GSDMC: variants seen among roughly 807,000 people sequenced by gnomAD.
The protein encoded by GSDMC is gasdermin C.
GSDMC carries 59 observed loss-of-function variants against 58.0 expected under a neutral mutation model. The observed-to-expected ratio is 1.02, with a 90% CI of 0.82 to 1.26. GSDMC has a LOEUF of 1.26. Ranked by LOEUF, GSDMC falls within the 50% of genes most tolerant of loss-of-function variation. The pLI is 0.00. For synonymous variants in GSDMC, 241 were observed against 220.2 expected (o/e 1.09, Z -0.83); for missense variants, 659 against 598.5 (o/e 1.10, Z -1.06).
downstream of GSDMC, among the ~76,000 whole-genome samples, chr8:129,747,680 G>A (rs1413530343): frequency 1.3e-5 from 2 of 152,158 alleles, no homozygotes; most frequent in Admixed American, 6.5e-5. Flanking sequence ...TGAGCCTCCA[G>A]GATTCAAGGA....
intron 4 of GSDMC, 86 bp downstream of exon 4, chr8:129,765,542 C>T: frequency 1.1e-6 from 1 of 933,168 alleles, no homozygotes; most frequent in Non-Finnish European, 1.8e-6. Context: ...GAAATAGAGT[C>T]CAGAGCCCCC....
chr8:129,742,218 A>C, the GSDMC span, among the ~76,000 whole-genome samples: 1 of 152,006 alleles, frequency 6.6e-6, no homozygotes, highest in East Asian at 1.9e-4. Flanking sequence ...AGTTTTTGAG[A>C]TCTATTGTAC....
At chr8:129,770,370 C>T (rs967970333) in intron 3 of GSDMC, among the ~76,000 whole-genome samples, 3 of 152,132 alleles carry the variant, frequency 2.0e-5, no homozygotes, top group African/African-American at 7.2e-5. Flanking sequence ...GTGGCACACA[C>T]CTATAGTCCC....
Position 129,748,283 on chromosome 8 carries a change from T to C in GSDMC, c.*218A>G, listed in dbSNP as rs2033017088. The stretch of plus-strand genomic sequence containing the variant: ...CTTTAACATACTATTTGAGGAGTTT[T>C]GACAAATATATAAACTCTTGTCAAT... On this transcript the variant is annotated 3_prime_UTR_variant, in exon 14 of 14. Transcript: ENST00000276708. The C allele has an allele frequency of 2.4e-6, 1 of 415,946 alleles. No homozygotes were observed. The highest frequency in any genetic ancestry group is 7.9e-5 in the South Asian group (1 of 12,584). 25.8% of individuals were successfully genotyped at this position (415,946 alleles called of 1,614,324 possible).
downstream of GSDMC, among the ~76,000 whole-genome samples, chr8:129,743,613 A>G (rs551806853): frequency 6.6e-6 from 1 of 152,282 alleles, no homozygotes; most frequent in East Asian, 1.9e-4. Flanking sequence ...GCCTCTTCCC[A>G]TGTGTAGTAA....
chr8:129,765,822 T>G, intron 3 of GSDMC, 29 bp from the exon 4 acceptor site: 5 of 1,600,670 alleles, frequency 3.1e-6, no homozygotes, highest in Non-Finnish European at 4.3e-6. Context: ...AGGACAAGAG[T>G]CAGAGTGGGA....
chr8:129,729,426 C>A, the GSDMC span: 1 of 350,752 alleles, frequency 2.9e-6, no homozygotes, highest in East Asian at 7.8e-5. Context: ...TCATCATTTA[C>A]ATTAGGTATA....
At chr8:129,740,881 C>T in the GSDMC span, among the ~76,000 whole-genome samples, 3 of 152,128 alleles carry the variant, frequency 2.0e-5, no homozygotes, top group African/African-American at 7.2e-5. Flanking sequence ...GCTATTGTTG[C>T]CCGTGCTTTC....
At chr8:129,730,606 C>A in the GSDMC span, among the ~76,000 whole-genome samples, 1 of 152,190 alleles carries the variant, frequency 6.6e-6, no homozygotes, top group South Asian at 2.1e-4. Flanking sequence ...AGATCTCTTT[C>A]AATGCATTAG....
the GSDMC span, among the ~76,000 whole-genome samples, chr8:129,718,726 T>C: frequency 6.6e-6 from 1 of 152,218 alleles, no homozygotes; most frequent in African/African-American, 2.4e-5. Context: ...TAAAGACACA[T>C]GCACACATAT....
intron 1 of GSDMC, among the ~76,000 whole-genome samples, chr8:129,780,310 G>A (rs2034367825): frequency 6.6e-6 from 1 of 152,128 alleles, no homozygotes; most frequent in African/African-American, 2.4e-5. Context: ...ACACCCAGCA[G>A]ATTTAAGCCA....
chr8:129,771,890 G>A (rs2034062825), intron 3 of GSDMC, among the ~76,000 whole-genome samples: 1 of 152,170 alleles, frequency 6.6e-6, no homozygotes, highest in South Asian at 2.1e-4. Context: ...GCAGTTCTAA[G>A]AGGAAAGTTT....
intron 8 of GSDMC, 59 bp from the exon 9 acceptor site, chr8:129,751,950 T>G: frequency 6.5e-7 from 1 of 1,540,134 alleles, no homozygotes; most frequent in Non-Finnish European, 9.0e-7. Flanking sequence ...TTCTCCAACC[T>G]TCTGCCCTTC....
chr8:129,751,042 T>TG lies in GSDMC; in HGVS notation c.944-473dup, dbSNP rs1386131476. Among the ~76,000 whole-genome samples the TG allele has an allele frequency of 4.6e-5, 7 of 152,132 alleles. No individual in the cohort carries two copies. In the South Asian group the frequency reaches 8.3e-4, roughly 18 times the overall value. On this transcript the variant is annotated intron_variant, in intron 10 of 13. Coordinates refer to ENST00000276708, the MANE Select transcript of GSDMC (RefSeq NM_031415.3). Reference sequence around the variant, plus strand: ...ATCCCAGCACTTCGGGAGGCTGACATGGGGGGATTGCTTGAGGCCAGGAAT... The same window carrying TG: ...ATCCCAGCACTTCGGGAGGCTGACATGGGGGGGATTGCTTGAGGCCAGGAAT...
intron 1 of GSDMC, among the ~76,000 whole-genome samples, chr8:129,778,553 G>T (rs1441270736): frequency 6.6e-6 from 1 of 152,110 alleles, no homozygotes; most frequent in Non-Finnish European, 1.5e-5. Context: ...ATAGGAACTG[G>T]CAAAGATTTC....
Position 129,779,869 on chromosome 8 carries a change from G to T in GSDMC, c.-4-2278C>A, listed in dbSNP as rs1460121900. Among the ~76,000 whole-genome samples the T allele has an allele frequency of 1.3e-5, 2 of 152,020 alleles. 1 individual carries two copies. Among genetic ancestry groups the T allele is most frequent in the Admixed American group, 1.3e-4 (2 of 15,256 alleles). ...AATAGCTGTTTTGAGGACACTCAAA[G>T]GAATTCAAGATAACACATAAAAGGA... On this transcript the variant is annotated intron_variant, in intron 1 of 13. Transcript: ENST00000276708.
chr8:129,767,888 A>G (rs1294355645), intron 3 of GSDMC, among the ~76,000 whole-genome samples: 2 of 152,188 alleles, frequency 1.3e-5, no homozygotes, highest in African/African-American at 2.4e-5. Context: ...GCCCAATTAT[A>G]TACCCTGAAC....
chr8:129,762,667 A>G lies in GSDMC; in HGVS notation c.635T>C (p.Val212Ala), dbSNP rs1290606624. Residue 212 changes from valine (V) to alanine (A), a missense_variant, in exon 5 of 14, where the codon GTG (valine) becomes GCG (alanine). Val to Ala is a moderately conservative substitution (Grantham distance 64). Transcript: ENST00000276708. ...CAGCTGCTTTCTCTTATAAGCCATCACCATGCCTTTCTGAAGAGTCAGCGC... is the reference window on the plus strand; with the variant it reads ...CAGCTGCTTTCTCTTATAAGCCATCGCCATGCCTTTCTGAAGAGTCAGCGC... ...KKALTLQKGM[V>A]MAYKRKQLVI... 4 of 1,613,718 alleles carry G rather than the reference A, an allele frequency of 2.5e-6. No homozygotes were observed. Among genetic ancestry groups the G allele is most frequent in the Admixed American group, 3.3e-5 (2 of 60,004 alleles).
At chr8:129,728,125 C>A in the GSDMC span, among the ~76,000 whole-genome samples, 15 of 152,172 alleles carry the variant, frequency 9.9e-5, no homozygotes, top group South Asian at 2.5e-3. Flanking sequence ...GCTCTACACC[C>A]AGGCAGATCT....
Sources: allele counts gnomAD v4.1 joint callset (sites outside exome capture counted in the v4.1 genomes callset), GRCh38; gene constraint gnomAD v4.1.1; transcripts MANE v1.5; gene names NCBI Gene and HGNC (gene_info 2026-07-23, HGNC 2026-07-21).